The following CAPN14 variants were observed in gnomAD, a reference collection of about 807,000 sequenced individuals.
CAPN14 encodes the protein calpain-14.
In CAPN14, 94 loss-of-function variants were observed where a neutral mutation model predicts 101.3. The observed-to-expected ratio is 0.93, with a 90% CI of 0.79 to 1.10. The LOEUF is 1.10. Among genes scored for constraint, CAPN14 ranks in the 50% least tolerant of loss-of-function variants. CAPN14 has a pLI of 0.00. For missense variants in CAPN14, 837 were observed against 828.4 expected (o/e 1.01, Z -0.13); for synonymous variants, 338 against 317.9 (o/e 1.06, Z -0.67).
intron 21 of CAPN14, 91 bp from the exon 22 acceptor site, chr2:31,174,798 C>T (rs541804133): frequency 8.0e-7 from 1 of 1,249,406 alleles, no homozygotes; most frequent in Non-Finnish European, 1.1e-6. Flanking sequence ...GCCATGGAGA[C>T]AGAACATTAA....
chr2:31,203,171 C>G lies in CAPN14; in HGVS notation c.226-32G>C, dbSNP rs533708103. On this transcript the variant is annotated intron_variant, in intron 2 of 21. Coordinates refer to ENST00000403897, the MANE Select transcript of CAPN14 (RefSeq NM_001145122.2). ...AAGACAAACAGAATTGTCATTCTGACCTAGAACAAAAAAGCTCCTGGAGCT... is the reference window on the plus strand; with the variant it reads ...AAGACAAACAGAATTGTCATTCTGAGCTAGAACAAAAAAGCTCCTGGAGCT... 30 of 1,542,480 alleles carry G rather than the reference C, an allele frequency of 1.9e-5. 1 individual carries two copies. Among genetic ancestry groups the G allele is most frequent in the African/African-American group, 1.4e-4 (10 of 72,810 alleles).
chr2:31,232,069 C>T (rs545650617), intron 1 of CAPN14, among the ~76,000 whole-genome samples: 1 of 152,272 alleles, frequency 6.6e-6, no homozygotes, highest in South Asian at 2.1e-4. Flanking sequence ...TCAGCACTGG[C>T]CTCTGATAAT....
chr2:31,180,897 A>G (rs1324836433), intron 17 of CAPN14, 39 bp downstream of exon 17: 2 of 1,522,714 alleles, frequency 1.3e-6, no homozygotes, highest in Non-Finnish European at 1.8e-6. Flanking sequence ...GAAGCTCTCA[A>G]CCAACAGCAA....
chr2:31,176,018 T>G (rs1680269921), intron 21 of CAPN14, among the ~76,000 whole-genome samples: 1 of 152,232 alleles, frequency 6.6e-6, no homozygotes, highest in African/African-American at 2.4e-5. Flanking sequence ...CTGCTGTGTC[T>G]GCAAAGTGAT....
intron 10 of CAPN14, 61 bp downstream of exon 10, chr2:31,193,070 C>T: frequency 6.8e-7 from 1 of 1,470,772 alleles, no homozygotes; most frequent in Non-Finnish European, 9.1e-7. Flanking sequence ...CCTGTGCAGT[C>T]ATTCTGACAC....
In CAPN14 at chr2:31,230,417, G is replaced by A. The variant is rs545655984; in HGVS notation, c.-177+3374C>T. Reference sequence around the variant, plus strand: ...AGGTCATAGGACATGCACATCTTCAGCTTCACTAAGCAATGCCAAACTGTT... The same window carrying A: ...AGGTCATAGGACATGCACATCTTCAACTTCACTAAGCAATGCCAAACTGTT... On this transcript the variant is annotated intron_variant and NMD_transcript_variant, in intron 1 of 21. Coordinates refer to the CAPN14 transcript ENST00000398824. The surrounding 1 kb of genome is among the most constrained non-coding windows in gnomAD (Gnocchi z 4.3). 6.6e-6 allele frequency among the ~76,000 whole-genome samples: 1 copy of A among 152,310 alleles called. No homozygotes were observed. The highest frequency in any genetic ancestry group is 2.1e-4 in the South Asian group (1 of 4,830).
chr2:31,231,056 C>T lies in CAPN14; in HGVS notation c.-177+2735G>A, dbSNP rs369464428. Among the ~76,000 whole-genome samples the T allele has an allele frequency of 1.6e-4, 24 of 152,278 alleles. No individual in the cohort carries two copies. In the East Asian group the frequency reaches 3.1e-3, roughly 20 times the overall value. The stretch of plus-strand genomic sequence containing the variant: ...AATGTCCACTAGGGCAAGTCCTCTT[C>T]GCTTAGTTGTTGCCATTGCTATGTT... On this transcript the variant is annotated intron_variant and NMD_transcript_variant, in intron 1 of 21. Transcript: ENST00000398824.
intron 5 of CAPN14, among the ~76,000 whole-genome samples, chr2:31,200,950 GC>G (rs1343934371): frequency 2.6e-5 from 4 of 152,186 alleles, no homozygotes; most frequent in Non-Finnish European, 5.9e-5. Context: ...ACTAGTGCCT[GC>G]TTGCTTTGAA....
rs567823201 is a variant in CAPN14, at chr2:31,194,541, A to G, written c.876-58T>C. The G allele has an allele frequency of 6.8e-5, 78 of 1,154,262 alleles. No individual in the cohort carries two copies. In the African/African-American group the frequency reaches 1.0e-3, roughly 15 times the overall value. The allele number at this position is 1,154,262 out of a possible 1,614,324, so 71.5% of individuals were successfully genotyped here. A position where few individuals can be genotyped will look rare whatever the true frequency, so the allele number is the denominator to read the frequency against. The stretch of plus-strand genomic sequence containing the variant: ...GGGAGCATGCTAGAAATTCTTTAGT[A>G]AAGGCTCTATAGTGTCATTATTTAT... On this transcript the variant is annotated intron_variant, in intron 8 of 21. Coordinates refer to ENST00000403897, the MANE Select transcript of CAPN14 (RefSeq NM_001145122.2).
rs1429461728 is a variant in CAPN14 at position 31,174,718 on chromosome 2, T to C, written c.2029-11A>G. On this transcript the variant is annotated splice_polypyrimidine_tract_variant and intron_variant, in intron 21 of 21. Coordinates refer to ENST00000403897, the MANE Select transcript of CAPN14 (RefSeq NM_001145122.2). ...TGCCATCATCATCCACTGGACATGT[T>C]GGGAAAGCAAATGATGGTCAGTTCA... The C allele has an allele frequency of 6.4e-7, 1 of 1,551,468 alleles. No individual in the cohort carries two copies. Among genetic ancestry groups the C allele is most frequent in the Non-Finnish European group, 8.7e-7 (1 of 1,146,964 alleles).
chr2:31,181,027 G>C (rs1027398700), intron 16 of CAPN14, 27 bp from the exon 17 acceptor site: 32 of 1,548,166 alleles, frequency 2.1e-5, no homozygotes, highest in African/African-American at 9.6e-5. Flanking sequence ...GAGTCCACAT[G>C]GGGGCTGGCC....
At chr2:31,191,260 G>T in intron 12 of CAPN14, 139 bp downstream of exon 12, 1 of 822,152 alleles carries the variant, frequency 1.2e-6, no homozygotes, top group Non-Finnish European at 1.9e-6. Flanking sequence ...CAGGCAGCGG[G>T]CAGACATTCT....
upstream of CAPN14, among the ~76,000 whole-genome samples, chr2:31,219,485 A>C (rs1035607076): frequency 2.6e-5 from 4 of 152,192 alleles, no homozygotes; most frequent in Non-Finnish European, 4.4e-5. Context: ...TGTGGACCAG[A>C]AGTGGGTTGG....
intron 16 of CAPN14, among the ~76,000 whole-genome samples, chr2:31,181,778 T>G (rs1199872921): frequency 6.8e-6 from 1 of 146,264 alleles, no homozygotes; most frequent in Non-Finnish European, 1.5e-5. Flanking sequence ...TGGTGTTTGG[T>G]TTTTTGTCCT....
intron 13 of CAPN14, among the ~76,000 whole-genome samples, 165 bp downstream of exon 13, chr2:31,189,108 G>A (rs139372501): frequency 9.2e-5 from 14 of 152,304 alleles, no homozygotes; most frequent in African/African-American, 1.7e-4. Context: ...GGGAAGGAAC[G>A]GGAGGGATGT....
At chr2:31,200,941 C>T (rs992594540) in intron 5 of CAPN14, among the ~76,000 whole-genome samples, 21 of 152,198 alleles carry the variant, frequency 1.4e-4, no homozygotes, top group African/African-American at 5.1e-4. Flanking sequence ...GAGATCTCAA[C>T]TAGTGCCTGC....
At chr2:31,208,340 T>A (rs6727638) in intron 1 of CAPN14, among the ~76,000 whole-genome samples, 7,324 of 152,212 alleles carry the variant, frequency 0.048, 176 homozygotes, top group African/African-American at 0.055. Flanking sequence ...TTCAAGCCTT[T>A]ACAACAATCT....
intron 21 of CAPN14, among the ~76,000 whole-genome samples, chr2:31,176,320 G>T (rs1680281713): frequency 6.6e-6 from 1 of 152,224 alleles, no homozygotes; most frequent in Admixed American, 6.5e-5. Flanking sequence ...ATATGCTGCT[G>T]AAGTTTTGTA....
chr2:31,202,334 C>A (rs1461605796), intron 3 of CAPN14, 82 bp from the exon 4 acceptor site: 1 of 1,017,304 alleles, frequency 9.8e-7, no homozygotes, highest in African/African-American at 1.6e-5. Flanking sequence ...CAATGGCCAC[C>A]CTCTCTGGGC....
Sources: allele counts gnomAD v4.1 joint callset (sites outside exome capture counted in the v4.1 genomes callset), GRCh38; gene constraint gnomAD v4.1.1; non-coding constraint Gnocchi (gnomAD v3.1); transcripts MANE v1.5; gene names NCBI Gene and HGNC (gene_info 2026-07-23, HGNC 2026-07-21).